Variants in HIPK3 observed in about 807,000 individuals in gnomAD.
HIPK3 encodes the protein homeodomain interacting protein kinase 3, also known as homeodomain-interacting protein kinase 3.
Under a neutral mutation model 124.2 loss-of-function variants are expected in HIPK3, and 47 were observed. The ratio of observed to expected loss-of-function variants is 0.38; its 90% CI spans 0.30 to 0.48. The LOEUF is 0.48. Among genes scored for constraint, HIPK3 ranks in the 20% least tolerant of loss-of-function variants. The probability of loss-of-function intolerance (pLI) is 0.98; values close to 1 mark genes in which losing one functional copy is unlikely to be tolerated. For synonymous variants in HIPK3, 482 were observed against 515.2 expected (o/e 0.94, Z 0.87); for missense variants, 1,286 against 1,454.3 (o/e 0.88, Z 1.88).
At chr11:33,339,819 A>G (rs1853276102) in intron 6 of HIPK3, among the ~76,000 whole-genome samples, 2 of 152,222 alleles carry the variant, frequency 1.3e-5, no homozygotes, top group African/African-American at 4.8e-5. Flanking sequence ...CCAGGCATAT[A>G]TAAAAGGAAA....
chr11:33,356,610 A>G lies in HIPK3; in HGVS notation c.*3042A>G, dbSNP rs2134011060. 1 of 152,212 alleles carries G rather than the reference A, an allele frequency of 6.6e-6. No individual in the cohort carries two copies. Among genetic ancestry groups the G allele is most frequent in the Middle Eastern group, 3.4e-3 (1 of 294 alleles). The allele number at this position is 152,212 out of a possible 1,614,324, so 9.4% of individuals were successfully genotyped here. ...ATTTTAAACTTGGACTGTGTTAAGT[A>G]AAAGTTAAATCATACACTGCAAGGT... On this transcript the variant is annotated 3_prime_UTR_variant, in exon 17 of 17. Coordinates refer to ENST00000303296, the MANE Select transcript of HIPK3 (RefSeq NM_005734.5).
intron 2 of HIPK3, among the ~76,000 whole-genome samples, chr11:33,322,609 T>C (rs1852697560): frequency 6.6e-6 from 1 of 152,088 alleles, no homozygotes; most frequent in African/African-American, 2.4e-5. Flanking sequence ...GCAAATCACT[T>C]GAGGCCAGGA....
chr11:33,281,523 GGT>G (rs1347303833), intron 1 of HIPK3, among the ~76,000 whole-genome samples: 8 of 152,268 alleles, frequency 5.3e-5, no homozygotes, highest in Non-Finnish European at 1.2e-4. Context: ...TCTTGGAACA[GGT>G]GATACATGTA....
At chr11:33,302,751 G>A (rs549248545) in intron 2 of HIPK3, among the ~76,000 whole-genome samples, 16 of 152,180 alleles carry the variant, frequency 1.1e-4, no homozygotes, top group Non-Finnish European at 2.2e-4. Flanking sequence ...GAGTGGACCA[G>A]GAGCTGTTAA....
At chr11:33,328,938 C>G (rs1477649776) in intron 3 of HIPK3, among the ~76,000 whole-genome samples, 1 of 152,102 alleles carries the variant, frequency 6.6e-6, no homozygotes, top group Admixed American at 6.6e-5. Context: ...GCTTGGGTGA[C>G]AAACTTTGAT....
chr11:33,276,715 A>AT (rs1244452186), intron 1 of HIPK3, among the ~76,000 whole-genome samples: 3 of 151,542 alleles, frequency 2.0e-5, no homozygotes, highest in South Asian at 2.1e-4. Flanking sequence ...TATTATTCTT[A>AT]TTTTTTTTGA....
At chr11:33,319,043 A>G (rs1378945533) in intron 2 of HIPK3, among the ~76,000 whole-genome samples, 1 of 152,198 alleles carries the variant, frequency 6.6e-6, no homozygotes, top group East Asian at 1.9e-4. Flanking sequence ...CTGTGTGACA[A>G]ACAATTCCAA....
At chr11:33,289,506 T>C (rs1851643333) in intron 2 of HIPK3, among the ~76,000 whole-genome samples, 1 of 152,144 alleles carries the variant, frequency 6.6e-6, no homozygotes, top group Non-Finnish European at 1.5e-5. Flanking sequence ...TAGTATATTC[T>C]TTTTTTAAAA....
At position 33,328,490 on chromosome 11, in the gene HIPK3, GTTTTAA is replaced by G; in HGVS notation, c.1098-13_1098-8del. 3.7e-6 allele frequency: 6 copies of G among 1,602,218 alleles called. No individual in the cohort carries two copies. The highest frequency in any genetic ancestry group is 5.1e-6 in the Non-Finnish European group (6 of 1,175,834). Reference sequence around the variant, plus strand: ...TTAGAGAAAAACCACCCTGATTTTTGTTTTAATTTTAAATTTCAGAGCTCCAGAGAT... The same window carrying G: ...TTAGAGAAAAACCACCCTGATTTTTGTTTTAAATTTCAGAGCTCCAGAGAT... On this transcript the variant is annotated splice_polypyrimidine_tract_variant and intron_variant, in intron 2 of 16. Coordinates refer to ENST00000303296, the MANE Select transcript of HIPK3 (RefSeq NM_005734.5).
At chr11:33,258,452 A>G in intron 1 of HIPK3, 1 of 985,068 alleles carries the variant, frequency 1.0e-6, no homozygotes, top group Non-Finnish European at 1.2e-6. Flanking sequence ...CAGGGTGTCA[A>G]CTCTGGGGAC....
intron 2 of HIPK3, among the ~76,000 whole-genome samples, chr11:33,295,607 ATCTT>A: frequency 6.6e-6 from 1 of 152,326 alleles, no homozygotes; most frequent in East Asian, 1.9e-4. Context: ...AGCTCCTTAC[ATCTT>A]TCTTTGCCTT....
chr11:33,280,582 C>T (rs1455322785), intron 1 of HIPK3, among the ~76,000 whole-genome samples: 1 of 152,094 alleles, frequency 6.6e-6, no homozygotes, highest in Non-Finnish European at 1.5e-5. Flanking sequence ...TCTAAAGTCC[C>T]TTTTGAGATA....
At chr11:33,299,307 A>G (rs1162706195) in intron 2 of HIPK3, among the ~76,000 whole-genome samples, 1 of 151,708 alleles carries the variant, frequency 6.6e-6, no homozygotes, top group African/African-American at 2.4e-5. Context: ...CCCTGTCTCT[A>G]CTAAAAATGC....
chr11:33,266,587 G>A (rs1031570600), intron 1 of HIPK3, among the ~76,000 whole-genome samples: 1 of 152,070 alleles, frequency 6.6e-6, no homozygotes, highest in Non-Finnish European at 1.5e-5. Flanking sequence ...CATGCTTGTG[G>A]TCCTAGCTAT....
chr11:33,341,216 T>A (rs1290388511), intron 7 of HIPK3, 89 bp downstream of exon 7: 3 of 913,954 alleles, frequency 3.3e-6, no homozygotes, highest in Non-Finnish European at 4.9e-6. Flanking sequence ...TGGTGTCAGT[T>A]GTTAGAATGT....
chr11:33,268,809 C>CA (rs1851046258), intron 1 of HIPK3, among the ~76,000 whole-genome samples: 1 of 151,912 alleles, frequency 6.6e-6, no homozygotes, highest in Non-Finnish European at 1.5e-5. Flanking sequence ...TCTGAAATCT[C>CA]CTTAAAGTAT....
At chr11:33,304,102 A>G (rs774822788) in intron 2 of HIPK3, among the ~76,000 whole-genome samples, 7 of 152,090 alleles carry the variant, frequency 4.6e-5, no homozygotes, top group Non-Finnish European at 8.8e-5. Flanking sequence ...CAGCACGTCC[A>G]GCTAATTTTT....
intron 1 of HIPK3, among the ~76,000 whole-genome samples, chr11:33,266,892 TA>T (rs1221674702): frequency 6.6e-6 from 1 of 152,208 alleles, no homozygotes. Flanking sequence ...TATGTTAATT[TA>T]AATAAAAGAA....
At chr11:33,340,134 G>A (rs188122479) in intron 6 of HIPK3, among the ~76,000 whole-genome samples, 1 of 152,304 alleles carries the variant, frequency 6.6e-6, no homozygotes, top group East Asian at 1.9e-4. Flanking sequence ...AGGCTGGAGT[G>A]CAGTGGCACA....
Sources: gnomAD v4.1 joint callset for allele counts (sites outside exome capture counted in the v4.1 genomes callset) on GRCh38, gnomAD v4.1.1 for gene constraint, MANE v1.5 for transcripts, NCBI Gene and HGNC (gene_info 2026-07-23, HGNC 2026-07-21) for gene names.